Variants in PRCC observed in about 807,000 individuals in gnomAD.
The protein encoded by PRCC is proline-rich protein PRCC.
In PRCC, 10 loss-of-function variants were observed where a neutral mutation model predicts 44.0. The ratio of observed to expected loss-of-function variants is 0.23; its 90% CI spans 0.14 to 0.39. PRCC has a LOEUF of 0.39. Ranked by LOEUF, PRCC falls within the 10% of genes least tolerant of loss-of-function variation. The pLI, the probability that PRCC is intolerant of heterozygous loss-of-function variation, is 1.00. For missense variants in PRCC, 573 were observed against 624.7 expected (o/e 0.92, Z 0.88); for synonymous variants, 278 against 259.5 (o/e 1.07, Z -0.69).
chr1:156,793,192 C>T (rs1391408985), intron 4 of PRCC, among the ~76,000 whole-genome samples: 1 of 152,168 alleles, frequency 6.6e-6, no homozygotes, highest in Non-Finnish European at 1.5e-5. Flanking sequence ...CATCCACTCC[C>T]CTATGGATAT....
intron 4 of PRCC, among the ~76,000 whole-genome samples, chr1:156,793,090 G>A (rs916687983): frequency 6.6e-6 from 1 of 152,144 alleles, no homozygotes; most frequent in African/African-American, 2.4e-5. Context: ...TCACCATGGA[G>A]GTTCTTATAA....
intron 1 of PRCC, among the ~76,000 whole-genome samples, chr1:156,769,512 C>T (rs909336704): frequency 6.6e-6 from 1 of 152,202 alleles, no homozygotes; most frequent in African/African-American, 2.4e-5. Context: ...AGTGAAAGAA[C>T]TCCAATATGG....
intron 1 of PRCC, among the ~76,000 whole-genome samples, chr1:156,781,686 C>T (rs1307279488): frequency 6.6e-6 from 1 of 152,190 alleles, no homozygotes; most frequent in Non-Finnish European, 1.5e-5. Context: ...CATCATTTGC[C>T]TGCTTTCTTC....
chr1:156,786,666 T>C lies in PRCC; in HGVS notation c.575T>C (p.Val192Ala). 6.2e-7 allele frequency: 1 copy of C among 1,614,144 alleles called. No individual in the cohort carries two copies. Among genetic ancestry groups the C allele is most frequent in the Non-Finnish European group, 8.5e-7 (1 of 1,180,016 alleles). ...CTTCCCCAACCTAAAAACCTGACTG[T>C]GAAAGAGACTAACAGGTTGCTCCTG... The part of the protein sequence containing the change: ...ALLPQPKNLT[V>A]KETNRLLLPH... The change falls in exon 3 of 7, where the codon GTG (valine) becomes GCG (alanine). Residue 192 changes from valine to alanine, a missense_variant. Physicochemically the swap from Val to Ala is moderately conservative, Grantham distance 64. Around this residue, in one of 4 missense-constraint regions of PRCC, gnomAD observed 118 missense variants for 166.7 expected, o/e 0.71. Transcript: ENST00000271526.
chr1:156,774,149 TGA>T (rs1382392303), intron 1 of PRCC, among the ~76,000 whole-genome samples: 10 of 146,228 alleles, frequency 6.8e-5, no homozygotes, highest in Admixed American at 5.6e-4. Context: ...TTTCTTTTTT[TGA>T]GTCACCTTTT....
At position 156,791,042 on chromosome 1, in the gene PRCC, T is replaced by C. The variant is rs556895221; in HGVS notation, c.1084-655T>C. ...CTTCACCAAGCAGAGGCCTTGCCCTTGCCTTCACCCTCCTCTTCCTCTAGG... is the reference window on the plus strand; with the variant it reads ...CTTCACCAAGCAGAGGCCTTGCCCTCGCCTTCACCCTCCTCTTCCTCTAGG... On this transcript the variant is annotated intron_variant, in intron 3 of 6. Transcript: ENST00000271526. The C allele has an allele frequency of 5.3e-5, 71 of 1,331,990 alleles. No homozygotes were observed. In the East Asian group the frequency reaches 2.5e-3, roughly 47 times the overall value. The allele number at this position is 1,331,990 out of a possible 1,614,324, so 82.5% of individuals were successfully genotyped here.
chr1:156,788,687 G>A (rs1652365621), intron 3 of PRCC, among the ~76,000 whole-genome samples: 1 of 138,270 alleles, frequency 7.2e-6, no homozygotes, highest in African/African-American at 2.7e-5. Flanking sequence ...TTTTGAGATG[G>A]AGTCTCGCTC....
At chr1:156,772,072 T>C (rs942910079) in intron 1 of PRCC, among the ~76,000 whole-genome samples, 1 of 152,238 alleles carries the variant, frequency 6.6e-6, no homozygotes, top group African/African-American at 2.4e-5. Context: ...TTGCCAAGGC[T>C]GGTCTCAAAC....
chr1:156,785,269 T>G (rs1430613938), intron 2 of PRCC, among the ~76,000 whole-genome samples: 2 of 152,074 alleles, frequency 1.3e-5, no homozygotes, highest in African/African-American at 4.8e-5. Flanking sequence ...CCCAGCACTT[T>G]GGGAGGCCGA....
At chr1:156,792,348 T>G (rs1204674446) in intron 4 of PRCC, among the ~76,000 whole-genome samples, 2 of 152,238 alleles carry the variant, frequency 1.3e-5, no homozygotes, top group East Asian at 3.9e-4. Context: ...CCCCTCGCTT[T>G]CTAGGAGACT....
intron 1 of PRCC, among the ~76,000 whole-genome samples, chr1:156,779,431 T>G (rs1167549142): frequency 1.3e-5 from 2 of 151,998 alleles, no homozygotes; most frequent in African/African-American, 4.8e-5. Flanking sequence ...TGGCGCAAGC[T>G]CGGCGCTCAC....
At chr1:156,797,565 TAGA>T (rs1652701660) in intron 6 of PRCC, among the ~76,000 whole-genome samples, 1 of 152,186 alleles carries the variant, frequency 6.6e-6, no homozygotes, top group East Asian at 1.9e-4. Flanking sequence ...TGCAGGTGCT[TAGA>T]ATAAAACTCT....
chr1:156,786,568 T>A, intron 2 of PRCC, 40 bp from the exon 3 acceptor site: 1 of 1,559,268 alleles, frequency 6.4e-7, no homozygotes, highest in Non-Finnish European at 8.7e-7. Flanking sequence ...ATCTCACTTG[T>A]CATCTTTCTT....
At chr1:156,793,342 C>G (rs771697536) in intron 4 of PRCC, among the ~76,000 whole-genome samples, 17 of 152,196 alleles carry the variant, frequency 1.1e-4, no homozygotes, top group Non-Finnish European at 2.2e-4. Flanking sequence ...GAGATCAGGA[C>G]TGGGTCTCAC....
At chr1:156,779,380 C>G (rs895036553) in intron 1 of PRCC, among the ~76,000 whole-genome samples, 2 of 151,238 alleles carry the variant, frequency 1.3e-5, no homozygotes, top group African/African-American at 2.4e-5. Context: ...ATTATCATTA[C>G]TGAGACCAAG....
chr1:156,768,947 T>G (rs1358858592), intron 1 of PRCC, among the ~76,000 whole-genome samples: 1 of 152,224 alleles, frequency 6.6e-6, no homozygotes, highest in Admixed American at 6.5e-5. Flanking sequence ...ATTCATCATT[T>G]AGCTATGGTC....
chr1:156,786,471 G>A (rs1311402578), intron 2 of PRCC, 137 bp from the exon 3 acceptor site: 8 of 878,806 alleles, frequency 9.1e-6, no homozygotes, highest in East Asian at 5.3e-5. Flanking sequence ...CTGAGTGGAC[G>A]GAGGTAAGGA....
chr1:156,779,740 C>A (rs73002757), intron 1 of PRCC, among the ~76,000 whole-genome samples: 2,350 of 151,642 alleles, frequency 0.015, 47 homozygotes, highest in South Asian at 0.063. Flanking sequence ...TTTTCTATTT[C>A]ATCTTCTTTT....
intron 4 of PRCC, 26 bp downstream of exon 4, chr1:156,791,818 A>G: frequency 6.3e-7 from 1 of 1,588,060 alleles, no homozygotes; most frequent in Middle Eastern, 1.7e-4. Context: ...ACAAGTGACC[A>G]TCTTTGACCG....
Sources: allele counts gnomAD v4.1 joint callset (sites outside exome capture counted in the v4.1 genomes callset), GRCh38; gene constraint gnomAD v4.1.1; regional missense constraint gnomAD v4.1.1; transcripts MANE v1.5; gene names NCBI Gene and HGNC (gene_info 2026-07-23, HGNC 2026-07-21).